Variants in CCDC93 observed in about 807,000 individuals in gnomAD.
The protein encoded by CCDC93 is CCC complex scaffolding subunit CCDC93.
CCDC93 carries 61 observed loss-of-function variants against 108.2 expected under a neutral mutation model. That is an observed-to-expected ratio of 0.56 (90% CI 0.46 to 0.70). The LOEUF (loss-of-function observed/expected upper bound fraction) is 0.70, where lower values mean the gene tolerates loss of function less well. Among genes scored for constraint, CCDC93 ranks in the 30% least tolerant of loss-of-function variants. The probability of loss-of-function intolerance (pLI) is 0.00; values close to 1 mark genes in which losing one functional copy is unlikely to be tolerated. For missense variants in CCDC93, 685 were observed against 764.2 expected, an observed-to-expected ratio of 0.90 and a Z score of 1.22; for synonymous variants, 276 against 260.4, an observed-to-expected ratio of 1.06 and a Z score of -0.58.
chr2:117,973,244 C>T (rs1679822749), intron 11 of CCDC93, among the ~76,000 whole-genome samples: 1 of 152,062 alleles, frequency 6.6e-6, no homozygotes, highest in Admixed American at 6.5e-5. Context: ...CTTCAACAGA[C>T]ATCAACATTT....
chr2:117,939,117 A>G lies in CCDC93; in HGVS notation c.1523-6T>C, dbSNP rs777759220. 1.9e-6 allele frequency: 3 copies of G among 1,572,302 alleles called. No individual in the cohort carries two copies. The highest frequency in any genetic ancestry group is 4.5e-5 in the East Asian group (2 of 44,646). On this transcript the variant is annotated splice_polypyrimidine_tract_variant and splice_region_variant and intron_variant, in intron 19 of 23. Coordinates refer to ENST00000376300, the MANE Select transcript of CCDC93 (RefSeq NM_019044.5). ...TTCTTTGTGCACTGCTGAAACTGTA[A>G]AAGTAAAGAAATCAGCACACGAATA...
intron 23 of CCDC93, among the ~76,000 whole-genome samples, chr2:117,928,104 A>C (rs573165983): frequency 3.0e-4 from 45 of 152,354 alleles, no homozygotes; most frequent in South Asian, 1.0e-3. Context: ...TTATACAAAA[A>C]TTAATTCAAG....
intron 23 of CCDC93, among the ~76,000 whole-genome samples, chr2:117,924,797 C>A (rs1558765793): frequency 6.6e-6 from 1 of 152,152 alleles, no homozygotes; most frequent in Non-Finnish European, 1.5e-5. Flanking sequence ...AGATACTCCT[C>A]TAGAAGAGCA....
rs140552845 is a variant in CCDC93, at chr2:118,010,785, C to T, written c.43-2127G>A. On this transcript the variant is annotated intron_variant, in intron 1 of 23. Coordinates refer to ENST00000376300, the MANE Select transcript of CCDC93 (RefSeq NM_019044.5). ...TTTCAGGTTCATCCTTTAACTACCCCAAAAACAATCAAGACAAGGCCATGG... is the reference window on the plus strand; with the variant it reads ...TTTCAGGTTCATCCTTTAACTACCCTAAAAACAATCAAGACAAGGCCATGG... 3.6e-3 allele frequency among the ~76,000 whole-genome samples: 545 copies of T among 152,240 alleles called. 5 individuals are homozygous for T. The highest frequency in any genetic ancestry group is 0.013 in the African/African-American group (526 of 41,534).
intron 5 of CCDC93, 195 bp from the exon 6 acceptor site, chr2:117,995,697 T>C (rs1411693901): frequency 1.6e-5 from 9 of 559,646 alleles, no homozygotes; most frequent in Non-Finnish European, 2.9e-5. Flanking sequence ...CCAACATAGA[T>C]CCCTACACAG....
chr2:117,985,895 A>G (rs1369354168), intron 7 of CCDC93, 74 bp downstream of exon 7: 4 of 890,438 alleles, frequency 4.5e-6, no homozygotes, highest in Non-Finnish European at 7.2e-6. Flanking sequence ...AAGCTAGTCA[A>G]GTTAATCCAA....
At position 118,008,621 on chromosome 2, in the gene CCDC93, A is replaced by T; in HGVS notation, c.80T>A (p.Leu27Ter). 6.2e-7 allele frequency: 1 copy of T among 1,613,744 alleles called. No individual in the cohort carries two copies. The highest frequency in any genetic ancestry group is 1.1e-5 in the South Asian group (1 of 91,028). ...AACCAAGAGCTCCAGAATTTCAGTC[A>T]ACTTGACATTTTGTTCTTCATCTTC... ...TREDEEQNVK[L>*]TEILELLVAA... is the part of the protein sequence containing the mutation. The change falls in exon 2 of 24, where the codon TTG becomes TAG. Residue 27 changes from leucine to a stop codon, truncating the protein, a stop_gained. Transcript: ENST00000376300. LOFTEE classifies it high-confidence loss of function.
chr2:117,937,258 G>A (rs927809719), intron 20 of CCDC93, among the ~76,000 whole-genome samples: 1 of 152,002 alleles, frequency 6.6e-6, no homozygotes, highest in African/African-American at 2.4e-5. Context: ...TCAAGGCCCC[G>A]TGGACACTGC....
chr2:117,981,393 C>A lies in CCDC93; in HGVS notation c.621-3363G>T, dbSNP rs189045617. The stretch of plus-strand genomic sequence containing the variant: ...CAACTGCCTATTAACTACTGCCTCG[C>A]TTTCCTCTTTTCCTGTCAGCCCTGC... On this transcript the variant is annotated intron_variant, in intron 7 of 23. Transcript: ENST00000376300. Among the ~76,000 whole-genome samples the A allele has an allele frequency of 7.2e-5, 11 of 152,280 alleles. No homozygotes were observed. The East Asian group carries it at 2.1e-3, about 29-fold the overall frequency.
At chr2:117,943,000 CTCCTCTTTTTA>C (rs1678752617) in intron 18 of CCDC93, among the ~76,000 whole-genome samples, 1 of 152,194 alleles carries the variant, frequency 6.6e-6, no homozygotes, top group Admixed American at 6.5e-5. Context: ...TCATCCTTGA[CTCCTCTTTTTA>C]TCTCAGATGA....
At chr2:118,006,034 T>C (rs976686038) in intron 3 of CCDC93, among the ~76,000 whole-genome samples, 2 of 152,004 alleles carry the variant, frequency 1.3e-5, no homozygotes, top group African/African-American at 4.8e-5. Context: ...TCCCCACTTT[T>C]TTTTCCCCCT....
Position 117,996,308 on chromosome 2 carries a change from A to T in CCDC93, c.418T>A (p.Ser140Thr), listed in dbSNP as rs1680645164. The change falls in exon 5 of 24, where the codon TCC becomes ACC. Residue 140 changes from serine (S) to threonine (T), a missense_variant. By Grantham distance (58) the Ser-to-Thr change is moderately conservative. Coordinates refer to ENST00000376300, the MANE Select transcript of CCDC93 (RefSeq NM_019044.5). The stretch of plus-strand genomic sequence containing the variant: ...TTCTGGAACTGGGATACAGAGTAGG[A>T]GCGGATATAGTCACCCATCTCTTCT... Reference protein sequence around the residue: ...TKEEMGDYIRSYSVSQFQKTY... With the variant: ...TKEEMGDYIRTYSVSQFQKTY... 1 of 1,613,750 alleles carries T rather than the reference A, an allele frequency of 6.2e-7. No homozygotes were observed. Among genetic ancestry groups the T allele is most frequent in the South Asian group, 1.1e-5 (1 of 91,076 alleles).
intron 1 of CCDC93, among the ~76,000 whole-genome samples, chr2:118,012,318 G>A (rs1230068073): frequency 6.6e-6 from 1 of 151,962 alleles, no homozygotes; most frequent in African/African-American, 2.4e-5. Context: ...CTGGTCTAGT[G>A]ACATCCTAAT....
intron 22 of CCDC93, chr2:117,934,811 T>A (rs1055283432): frequency 6.6e-6 from 1 of 152,200 alleles, no homozygotes; most frequent in African/African-American, 2.4e-5. Context: ...AGAACCACTC[T>A]GGCGTGATAC....
At chr2:117,980,615 G>A (rs1416795894) in intron 7 of CCDC93, among the ~76,000 whole-genome samples, 1 of 152,184 alleles carries the variant, frequency 6.6e-6, no homozygotes, top group East Asian at 1.9e-4. Context: ...TCCCTCATGA[G>A]TAATCCGCTA....
chr2:118,006,953 T>A (rs1170792259), intron 2 of CCDC93, 137 bp from the exon 3 acceptor site: 5 of 609,768 alleles, frequency 8.2e-6, no homozygotes, highest in Admixed American at 3.0e-5. Flanking sequence ...AGAGAGAGTG[T>A]GTGTCCTCCT....
chr2:117,974,894 T>C lies in CCDC93; in HGVS notation c.757A>G (p.Ile253Val). ...DELRAAEEQR[I>V]QSLMTKMTAM... Reference sequence around the variant, plus strand: ...GTCATCTTGGTCATCAGCGACTGAATACGCTGCTGAAAGAGGAATGGAAGG... The same window carrying C: ...GTCATCTTGGTCATCAGCGACTGAACACGCTGCTGAAAGAGGAATGGAAGG... The change falls in exon 10 of 24, where the codon ATT becomes GTT. Residue 253 changes from isoleucine (I) to valine (V), a missense_variant. By Grantham distance (29) the Ile-to-Val change is conservative. Coordinates refer to ENST00000376300, the MANE Select transcript of CCDC93 (RefSeq NM_019044.5). 2 of 1,563,846 alleles carry C rather than the reference T, an allele frequency of 1.3e-6. No homozygotes were observed. The highest frequency in any genetic ancestry group is 1.7e-6 in the Non-Finnish European group (2 of 1,153,196).
At chr2:117,954,404 G>A (rs1422463699) in intron 12 of CCDC93, among the ~76,000 whole-genome samples, 2 of 152,068 alleles carry the variant, frequency 1.3e-5, no homozygotes. Context: ...AGAAGAAAAG[G>A]CTCATCTCTT....
chr2:117,984,717 C>G (rs1680260572), intron 7 of CCDC93, among the ~76,000 whole-genome samples: 1 of 152,172 alleles, frequency 6.6e-6, no homozygotes, highest in Non-Finnish European at 1.5e-5. Context: ...CTTCTTCATT[C>G]TGGGACACGT....
Sources: allele counts gnomAD v4.1 joint callset (sites outside exome capture counted in the v4.1 genomes callset), GRCh38; gene constraint gnomAD v4.1.1; transcripts MANE v1.5; gene names NCBI Gene and HGNC (gene_info 2026-07-23, HGNC 2026-07-21).